Variants in THSD7A observed in about 807,000 individuals in gnomAD.
THSD7A encodes the protein thrombospondin type-1 domain-containing protein 7A.
A neutral mutation model predicts 231.3 loss-of-function variants in THSD7A; 96 were observed. The ratio of observed to expected loss-of-function variants is 0.41; its 90% CI spans 0.35 to 0.49. THSD7A has a LOEUF of 0.49. Among genes scored for constraint, THSD7A ranks in the 20% least tolerant of loss-of-function variants. The probability of loss-of-function intolerance (pLI) is 0.05; values close to 1 mark genes in which losing one functional copy is unlikely to be tolerated. For missense variants in THSD7A, 2,290 were observed against 2,070.2 expected, an observed-to-expected ratio of 1.11 and a Z score of -2.06; for synonymous variants, 940 against 743.3, an observed-to-expected ratio of 1.26 and a Z score of -4.30.
At chr7:11,515,191 T>C (rs765374194) in intron 6 of THSD7A, among the ~76,000 whole-genome samples, 1 of 152,200 alleles carries the variant, frequency 6.6e-6, no homozygotes, top group Non-Finnish European at 1.5e-5. Context: ...TAGTTCCTGT[T>C]CAAACAATAA....
At chr7:11,618,806 AAAG>A (rs1391634328) in intron 2 of THSD7A, among the ~76,000 whole-genome samples, 1 of 151,948 alleles carries the variant, frequency 6.6e-6, no homozygotes, top group Non-Finnish European at 1.5e-5. Context: ...GAAAAAAAAA[AAAG>A]AAGGAGAAGA....
intron 1 of THSD7A, among the ~76,000 whole-genome samples, chr7:11,644,482 A>T (rs975092063): frequency 2.3e-4 from 35 of 152,034 alleles, no homozygotes; most frequent in African/African-American, 8.2e-4. Flanking sequence ...CTTTGACTTG[A>T]GTTTTAATTT....
chr7:11,577,436 T>A (rs984258733), intron 4 of THSD7A, among the ~76,000 whole-genome samples: 8 of 151,934 alleles, frequency 5.3e-5, no homozygotes, highest in African/African-American at 1.9e-4. Flanking sequence ...TGTGCCTCAG[T>A]CTCCTGAGTA....
intron 1 of THSD7A, among the ~76,000 whole-genome samples, chr7:11,653,259 G>A (rs1782575845): frequency 6.6e-6 from 1 of 151,582 alleles, no homozygotes; most frequent in African/African-American, 2.4e-5. Context: ...AAGAGGCCCT[G>A]CTTATTATGA....
At position 11,382,923 on chromosome 7, in the gene THSD7A, G is replaced by GTT. The variant is rs1491316264; in HGVS notation, c.4412-309_4412-308dup. On this transcript the variant is annotated intron_variant, in intron 23 of 27. Transcript: ENST00000423059. ...TAGAGAATAACTGTATATATATATA[G>GTT]TTATATATATATATATATCTCCCAT... Among the ~76,000 whole-genome samples, 5 of 143,558 alleles carry GTT rather than the reference G, an allele frequency of 3.5e-5. No individual in the cohort carries two copies. In the South Asian group the frequency reaches 6.4e-4, roughly 18 times the overall value. 94.2% of individuals were successfully genotyped at this position (143,558 alleles called of 152,430 possible).
At chr7:11,768,405 A>T (rs1783097208) in intron 1 of THSD7A, among the ~76,000 whole-genome samples, 1 of 152,220 alleles carries the variant, frequency 6.6e-6, no homozygotes, top group African/African-American at 2.4e-5. Flanking sequence ...AACAATTGGC[A>T]TGCAATCTTT....
intron 1 of THSD7A, among the ~76,000 whole-genome samples, chr7:11,674,469 A>C (rs1374741785): frequency 6.6e-6 from 1 of 152,040 alleles, no homozygotes; most frequent in African/African-American, 2.4e-5. Flanking sequence ...TCTTAGTTTT[A>C]AGTGCCACCT....
intron 13 of THSD7A, among the ~76,000 whole-genome samples, chr7:11,438,041 G>C (rs1324373809): frequency 1.3e-5 from 2 of 151,228 alleles, no homozygotes; most frequent in Non-Finnish European, 2.9e-5. Context: ...ATTCTTTCCT[G>C]TTCCTACAAA....
chr7:11,715,967 C>T (rs1488957314), intron 1 of THSD7A, among the ~76,000 whole-genome samples: 3 of 151,428 alleles, frequency 2.0e-5, no homozygotes, highest in Non-Finnish European at 4.4e-5. Context: ...AACCCATATA[C>T]CTTAGAGTGA....
chr7:11,743,673 C>T lies in THSD7A; in HGVS notation c.190+88084G>A, dbSNP rs570353836. On this transcript the variant is annotated intron_variant, in intron 1 of 27. Coordinates refer to ENST00000423059, the MANE Select transcript of THSD7A (RefSeq NM_015204.3). ...TGGAGGAAAGTGATGTGAACACATACTTATTAACTCCAGGACAATACTCTA... is the reference window on the plus strand; with the variant it reads ...TGGAGGAAAGTGATGTGAACACATATTTATTAACTCCAGGACAATACTCTA... Among the ~76,000 whole-genome samples, 15 of 148,786 alleles carry T rather than the reference C, an allele frequency of 1.0e-4. No individual in the cohort carries two copies. The East Asian group carries it at 2.8e-3, about 28-fold the overall frequency.
intron 1 of THSD7A, among the ~76,000 whole-genome samples, chr7:11,695,448 A>G (rs1388036844): frequency 6.6e-6 from 1 of 151,540 alleles, no homozygotes; most frequent in Non-Finnish European, 1.5e-5. Flanking sequence ...GTATTGAGAA[A>G]GAAAAACAAG....
intron 6 of THSD7A, among the ~76,000 whole-genome samples, chr7:11,527,933 G>C (rs75671970): frequency 3.9e-5 from 6 of 152,106 alleles, no homozygotes; most frequent in African/African-American, 1.4e-4. Context: ...TGGGAGGATT[G>C]GTTGATCCCA....
At chr7:11,660,416 A>G (rs997759690) in intron 1 of THSD7A, among the ~76,000 whole-genome samples, 2 of 151,590 alleles carry the variant, frequency 1.3e-5, no homozygotes, top group Admixed American at 6.6e-5. Flanking sequence ...GATAAACATT[A>G]CAAACAAAGT....
At chr7:11,813,169 A>T (rs1784580322) in intron 1 of THSD7A, among the ~76,000 whole-genome samples, 2 of 152,054 alleles carry the variant, frequency 1.3e-5, no homozygotes, top group South Asian at 4.1e-4. Context: ...CAACTACTTT[A>T]TTTTTTTCTT....
At position 11,604,510 on chromosome 7, in the gene THSD7A, G is replaced by A. The variant is rs553105786; in HGVS notation, c.1023-11008C>T. Among the ~76,000 whole-genome samples the A allele has an allele frequency of 1.6e-4, 25 of 151,964 alleles. No homozygotes were observed. In the East Asian group the frequency reaches 4.6e-3, roughly 28 times the overall value. On this transcript the variant is annotated intron_variant, in intron 2 of 27. Coordinates refer to ENST00000423059, the MANE Select transcript of THSD7A (RefSeq NM_015204.3). ...AAAAAACATATTTTTAATAATTAAA[G>A]CTTTCTTTAACATCACAATTTTTAA...
chr7:11,551,781 T>C (rs1789637774), intron 4 of THSD7A, among the ~76,000 whole-genome samples: 1 of 152,120 alleles, frequency 6.6e-6, no homozygotes. Flanking sequence ...GTGGAAAGCA[T>C]TCTGGAGATT....
chr7:11,821,152 TG>T, intron 1 of THSD7A: 1 of 1,117,326 alleles, frequency 8.9e-7, no homozygotes, highest in Non-Finnish European at 1.4e-6. Context: ...TTTAGTAAAG[TG>T]TTTATGTAAT....
chr7:11,629,443 G>A (rs939091844), intron 2 of THSD7A, among the ~76,000 whole-genome samples: 1 of 152,124 alleles, frequency 6.6e-6, no homozygotes, highest in African/African-American at 2.4e-5. Context: ...GCAACTCGAC[G>A]CTTTGGATAT....
At chr7:11,426,816 CA>C (rs1340261328) in intron 14 of THSD7A, 145 bp from the exon 15 acceptor site, 4 of 773,560 alleles carry the variant, frequency 5.2e-6, no homozygotes, top group Admixed American at 6.7e-5. Context: ...AATATTAGAA[CA>C]TTTTTCTTAG....
Sources: allele counts gnomAD v4.1 joint callset (sites outside exome capture counted in the v4.1 genomes callset), GRCh38; gene constraint gnomAD v4.1.1; transcripts MANE v1.5; gene names NCBI Gene and HGNC (gene_info 2026-07-23, HGNC 2026-07-21).